The following GRM4 variants were observed in gnomAD, a reference collection of about 807,000 sequenced individuals.
The protein encoded by GRM4 is metabotropic glutamate receptor 4.
GRM4 carries 28 observed loss-of-function variants against 81.7 expected under a neutral mutation model. That is an observed-to-expected ratio of 0.34 (90% CI 0.25 to 0.47). The LOEUF is 0.47. GRM4 is among the 20% of genes least tolerant of loss of function. The pLI, the probability that GRM4 is intolerant of heterozygous loss-of-function variation, is 1.00. For synonymous variants in GRM4, 488 were observed against 528.8 expected (o/e 0.92, Z 1.06); for missense variants, 948 against 1,290.0 (o/e 0.73, Z 4.06).
At chr6:34,038,178 A>G (rs571754284) in intron 8 of GRM4, among the ~76,000 whole-genome samples, 2 of 152,346 alleles carry the variant, frequency 1.3e-5, no homozygotes, top group East Asian at 3.9e-4. Flanking sequence ...GCAGTGACTG[A>G]GGTCAAGTCC....
intron 2 of GRM4, among the ~76,000 whole-genome samples, chr6:34,097,819 C>T (rs1448327305): frequency 6.6e-6 from 1 of 152,208 alleles, no homozygotes; most frequent in Non-Finnish European, 1.5e-5. Flanking sequence ...GAAATCCCCA[C>T]CACGAACCCC....
chr6:34,108,161 G>T (rs578084547), intron 2 of GRM4, among the ~76,000 whole-genome samples: 145 of 152,296 alleles, frequency 9.5e-4, no homozygotes, highest in African/African-American at 3.4e-3. Flanking sequence ...GCCACACTCC[G>T]CAGCTCCGTG....
chr6:34,125,067 G>A (rs894010869), intron 2 of GRM4, among the ~76,000 whole-genome samples: 14 of 152,092 alleles, frequency 9.2e-5, no homozygotes, highest in Admixed American at 4.6e-4. Flanking sequence ...TCCGCCTCCC[G>A]GGTTCACGCC....
In GRM4 at chr6:34,115,390, T is replaced by C. The variant is rs1026663406; in HGVS notation, c.519+17588A>G. 2.6e-5 allele frequency among the ~76,000 whole-genome samples: 4 copies of C among 152,190 alleles called. No individual in the cohort carries two copies. The highest frequency in any genetic ancestry group is 4.1e-4 in the South Asian group (2 of 4,836). On this transcript the variant is annotated intron_variant, in intron 2 of 10. Coordinates refer to ENST00000538487, the MANE Select transcript of GRM4 (RefSeq NM_000841.4). This position sits in a 1 kb window ranked among gnomAD's most constrained non-coding sequence, Gnocchi z 4.1. ...GTGTCTCCAGGCTTCAATTAAAATA[T>C]CACGGCACCCGCACCGTCTGCCCGG...
rs746291365 is a variant in GRM4 at position 34,022,830 on chromosome 6, A to T, written c.2730T>A (p.His910Gln). The T allele has an allele frequency of 6.2e-6, 10 of 1,613,770 alleles. No individual in the cohort carries two copies. Among genetic ancestry groups the T allele is most frequent in the Non-Finnish European group, 8.5e-6 (10 of 1,179,774 alleles). ...TKQTYVTYTN[H>Q]AI ...CAGCTCCATGGACTCGCTAGATTGC[A>T]TGGTTGGTGTAAGTGACGTAAGTCT... The change falls in exon 11 of 11, where the codon CAT (histidine) becomes CAA (glutamine). Residue 910 changes from histidine (H) to glutamine (Q), a missense_variant. His to Gln is a conservative substitution (Grantham distance 24). Transcript: ENST00000538487. The surrounding 1 kb of genome is among the most constrained non-coding windows in gnomAD (Gnocchi z 5.6).
chr6:34,032,239 G>A lies in GRM4; in HGVS notation c.2442+3429C>T, dbSNP rs536942801. On this transcript the variant is annotated intron_variant, in intron 9 of 10. Transcript: ENST00000538487. ...TCTGCATGCACATGGGCACACACCT[G>A]TGCACACACACCACACATGCACCAC... 7.2e-5 allele frequency among the ~76,000 whole-genome samples: 11 copies of A among 152,024 alleles called. 1 individual carries two copies. The highest frequency in any genetic ancestry group is 2.4e-4 in the African/African-American group (10 of 41,454).
intron 10 of GRM4, among the ~76,000 whole-genome samples, 154 bp from the exon 11 acceptor site, chr6:34,023,024 C>A (rs964388983): frequency 3.9e-5 from 6 of 152,260 alleles, no homozygotes; most frequent in Admixed American, 2.6e-4. Context: ...CTGCCCCAAA[C>A]TGCACCGGCC....
At chr6:34,102,036 C>A (rs1441658183) in intron 2 of GRM4, 8 of 1,535,400 alleles carry the variant, frequency 5.2e-6, no homozygotes, top group Non-Finnish European at 7.0e-6. Flanking sequence ...CCTCCACCCC[C>A]AAAGCATGGC....
intron 3 of GRM4, among the ~76,000 whole-genome samples, chr6:34,071,356 C>T (rs1390263124): frequency 2.3e-5 from 2 of 88,494 alleles, no homozygotes; most frequent in Non-Finnish European, 4.8e-5. Context: ...CCGCACCACA[C>T]ACACACATCA....
Position 34,074,011 on chromosome 6 carries a change from G to A in GRM4, c.737-11983C>T, listed in dbSNP as rs896168090. Among the ~76,000 whole-genome samples, 1 of 152,188 alleles carries A rather than the reference G, an allele frequency of 6.6e-6. No individual in the cohort carries two copies. The highest frequency in any genetic ancestry group is 1.5e-5 in the Non-Finnish European group (1 of 68,028). On this transcript the variant is annotated intron_variant, in intron 3 of 10. Coordinates refer to ENST00000538487, the MANE Select transcript of GRM4 (RefSeq NM_000841.4). This position sits in a 1 kb window ranked among gnomAD's most constrained non-coding sequence, Gnocchi z 4.9. Reference sequence around the variant, plus strand: ...AGCGGCTCTGTGGCCAGAACATTAAGGCAAAGCCCTCCTCTTGCCTCTGAA... The same window carrying A: ...AGCGGCTCTGTGGCCAGAACATTAAAGCAAAGCCCTCCTCTTGCCTCTGAA...
At position 34,111,114 on chromosome 6, in the gene GRM4, TACACACACACACACACACACACAC is replaced by T. The variant is rs56326901; in HGVS notation, c.520-19039_520-19016del. ...GAGGAGGAGACACACACAGGCCACA[TACACACACACACACACACACACAC>T]ACACACACACACACACGCCAGGATC... On this transcript the variant is annotated intron_variant, in intron 2 of 10. Coordinates refer to ENST00000538487, the MANE Select transcript of GRM4 (RefSeq NM_000841.4). This position sits in a 1 kb window ranked among gnomAD's most constrained non-coding sequence, Gnocchi z 5.1. The T allele has an allele frequency of 1.2e-3, 167 of 144,008 alleles. 3 individuals are homozygous for T. The East Asian group carries it at 0.021, about 18-fold the overall frequency. 8.9% of individuals were successfully genotyped at this position (144,008 alleles called of 1,614,324 possible). A position where few individuals can be genotyped will look rare whatever the true frequency, so the allele number is the denominator to read the frequency against.
chr6:34,030,486 G>A (rs1764359360), intron 9 of GRM4, among the ~76,000 whole-genome samples: 1 of 152,182 alleles, frequency 6.6e-6, no homozygotes, highest in African/African-American at 2.4e-5. Context: ...GTTCTATGTC[G>A]AGGGCCAGCG....
chr6:34,056,443 C>T lies in GRM4; in HGVS notation c.1168+101G>A, dbSNP rs1037863943. On this transcript the variant is annotated intron_variant, in intron 6 of 10. Transcript: ENST00000538487. ...AACTGCACGTCCTGCCACGGCCGGC[C>T]GACGACAGACAAAGGGAGACTCTCG... 2.8e-5 allele frequency: 31 copies of T among 1,119,748 alleles called. No individual in the cohort carries two copies. The Admixed American group carries it at 6.4e-4, about 23-fold the overall frequency. 69.4% of individuals were successfully genotyped at this position (1,119,748 alleles called of 1,614,324 possible). A position where few individuals can be genotyped will look rare whatever the true frequency, so the allele number is the denominator to read the frequency against.
At position 34,022,937 on chromosome 6, in the gene GRM4, T is replaced by A. The variant is rs1763959259; in HGVS notation, c.2690-67A>T. On this transcript the variant is annotated intron_variant, in intron 10 of 10. Transcript: ENST00000538487. The surrounding 1 kb of genome is among the most constrained non-coding windows in gnomAD (Gnocchi z 5.6). ...GCTTTTCTCAAACTGTCCTTCCACA[T>A]GGGCACAGCCCTGCACAAGAACCTA... 8.1e-6 allele frequency: 10 copies of A among 1,234,966 alleles called. No individual in the cohort carries two copies. In the South Asian group the frequency reaches 1.2e-4, roughly 15 times the overall value. The allele number at this position is 1,234,966 out of a possible 1,614,324, so 76.5% of individuals were successfully genotyped here.
rs368729263 is a variant in GRM4 at position 34,138,530 on chromosome 6, G to A, written c.-363-4671C>T. 3.0e-4 allele frequency among the ~76,000 whole-genome samples: 46 copies of A among 152,340 alleles called. No homozygotes were observed. The South Asian group carries it at 8.9e-3, about 30-fold the overall frequency. ...GCCACTGCCCCAAAGGGGAAATGAG[G>A]GAGAACTGGAGGCCTCTCCCCTCCC... On this transcript the variant is annotated intron_variant, in intron 1 of 10. Coordinates refer to ENST00000538487, the MANE Select transcript of GRM4 (RefSeq NM_000841.4).
intron 3 of GRM4, among the ~76,000 whole-genome samples, chr6:34,084,727 C>G (rs1256068044): frequency 6.6e-6 from 1 of 152,236 alleles, no homozygotes; most frequent in African/African-American, 2.4e-5. Context: ...AGCTCCAACC[C>G]AGGCCTCTCA....
chr6:34,075,861 C>T (rs951892669), intron 3 of GRM4, among the ~76,000 whole-genome samples: 1 of 152,212 alleles, frequency 6.6e-6, no homozygotes, highest in Admixed American at 6.5e-5. Flanking sequence ...CTAACCACCC[C>T]GTTTCCATGC....
At chr6:34,131,330 A>C (rs1264268307) in intron 2 of GRM4, among the ~76,000 whole-genome samples, 1 of 152,258 alleles carries the variant, frequency 6.6e-6, no homozygotes, top group Non-Finnish European at 1.5e-5. Flanking sequence ...TCATAAAAAA[A>C]TAAAAAACAA....
chr6:34,101,883 C>T, intron 2 of GRM4: 1 of 683,142 alleles, frequency 1.5e-6, no homozygotes, highest in Non-Finnish European at 2.4e-6. Flanking sequence ...GATCACCAAC[C>T]CCACACGAGG....
Sources: allele counts gnomAD v4.1 joint callset (sites outside exome capture counted in the v4.1 genomes callset), GRCh38; gene constraint gnomAD v4.1.1; non-coding constraint Gnocchi (gnomAD v3.1); transcripts MANE v1.5; gene names NCBI Gene and HGNC (gene_info 2026-07-23, HGNC 2026-07-21).